The following ZNF385D variants were observed in gnomAD, a reference collection of about 807,000 sequenced individuals.
ZNF385D encodes the protein zinc finger protein 659.
ZNF385D carries 15 observed loss-of-function variants against 35.8 expected under a neutral mutation model. The ratio of observed to expected loss-of-function variants is 0.42; its 90% CI spans 0.28 to 0.64. The LOEUF is 0.64. Among genes scored for constraint, ZNF385D ranks in the 30% least tolerant of loss-of-function variants. The pLI is 0.23. For synonymous variants in ZNF385D, 212 were observed against 186.8 expected (o/e 1.13, Z -1.10); for missense variants, 474 against 494.6 (o/e 0.96, Z 0.39).
At position 22,100,051 on chromosome 3, in the gene ZNF385D, G is replaced by C. The variant is rs992487065; in HGVS notation, c.325+68766C>G. Among the ~76,000 whole-genome samples the C allele has an allele frequency of 2.6e-5, 4 of 151,028 alleles. No homozygotes were observed. The South Asian group carries it at 6.3e-4, about 24-fold the overall frequency. On this transcript the variant is annotated intron_variant, in intron 3 of 5. Transcript: ENST00000494108. The stretch of plus-strand genomic sequence containing the variant: ...ATGAACAGACACTTCTCAAAAGAAG[G>C]CATTTATGCAGCCAAAAAACACATG...
At chr3:21,948,801 G>T (rs1277904234) in intron 3 of ZNF385D, among the ~76,000 whole-genome samples, 1 of 151,952 alleles carries the variant, frequency 6.6e-6, no homozygotes, top group Non-Finnish European at 1.5e-5. Context: ...TAACTATTAT[G>T]TTACAATTGA....
chr3:21,927,992 G>A (rs111672104), intron 3 of ZNF385D, among the ~76,000 whole-genome samples: 1 of 152,064 alleles, frequency 6.6e-6, no homozygotes, highest in Non-Finnish European at 1.5e-5. Context: ...GGGAGGCTGA[G>A]GCAGGAAGTT....
intron 3 of ZNF385D, among the ~76,000 whole-genome samples, chr3:21,990,738 T>C (rs1225190372): frequency 2.0e-5 from 3 of 152,220 alleles, no homozygotes; most frequent in African/African-American, 7.2e-5. Context: ...AGCCTGTTTC[T>C]ACAACATCTA....
chr3:21,646,732 A>C lies in ZNF385D; in HGVS notation c.165+18154T>G, dbSNP rs1258478495. 6.6e-6 allele frequency among the ~76,000 whole-genome samples: 1 copy of C among 152,144 alleles called. No individual in the cohort carries two copies. Among genetic ancestry groups the C allele is most frequent in the African/African-American group, 2.4e-5 (1 of 41,440 alleles). On this transcript the variant is annotated intron_variant, in intron 2 of 7. Transcript: ENST00000281523. This position sits in a 1 kb window ranked among gnomAD's most constrained non-coding sequence, Gnocchi z 4.3. The stretch of plus-strand genomic sequence containing the variant: ...GAGGCCTGTACAGACCCTTCCAGTT[A>C]CTTTCCTTCCTTATATCATCTGGGA...
At chr3:21,503,788 C>T (rs1221676111) in intron 4 of ZNF385D, among the ~76,000 whole-genome samples, 2 of 152,106 alleles carry the variant, frequency 1.3e-5, no homozygotes, top group African/African-American at 4.8e-5. Context: ...ATCTTTATTA[C>T]TCTAAGTCCC....
intron 2 of ZNF385D, among the ~76,000 whole-genome samples, chr3:22,188,507 T>A (rs1576467585): frequency 6.6e-6 from 1 of 152,108 alleles, no homozygotes; most frequent in South Asian, 2.1e-4. Flanking sequence ...TGGAGTCCAG[T>A]GGCGCGATCT....
intron 2 of ZNF385D, among the ~76,000 whole-genome samples, chr3:22,209,523 AG>A (rs1291542826): frequency 4.0e-5 from 6 of 151,896 alleles, no homozygotes; most frequent in African/African-American, 9.7e-5. Flanking sequence ...AATATGGCTT[AG>A]GAAAAAAATA....
chr3:21,695,728 G>C (rs915567367), intron 1 of ZNF385D, among the ~76,000 whole-genome samples: 2 of 150,968 alleles, frequency 1.3e-5, no homozygotes, highest in Non-Finnish European at 2.9e-5. Context: ...ATCCTTGCTA[G>C]TCAAACTGCA....
At chr3:21,707,771 T>A (rs1324443062) in intron 1 of ZNF385D, among the ~76,000 whole-genome samples, 2 of 152,208 alleles carry the variant, frequency 1.3e-5, no homozygotes, top group Non-Finnish European at 2.9e-5. Flanking sequence ...ATATTTCCAA[T>A]TAGTAATATC....
chr3:22,361,989 TC>T (rs1696430244), intron 2 of ZNF385D, among the ~76,000 whole-genome samples: 1 of 151,666 alleles, frequency 6.6e-6, no homozygotes, highest in African/African-American at 2.4e-5. Context: ...GAAATGTAAA[TC>T]CCATCATTTC....
At chr3:21,802,590 G>A (rs1414747709) in intron 3 of ZNF385D, among the ~76,000 whole-genome samples, 1 of 152,090 alleles carries the variant, frequency 6.6e-6, no homozygotes, top group Admixed American at 6.6e-5. Context: ...AACTATATGT[G>A]CATATGTGGC....
intron 3 of ZNF385D, among the ~76,000 whole-genome samples, chr3:21,761,390 C>T (rs1458589467): frequency 6.6e-6 from 1 of 152,090 alleles, no homozygotes; most frequent in Non-Finnish European, 1.5e-5. Flanking sequence ...CATGATGGAA[C>T]TTTATAGTCT....
intron 4 of ZNF385D, among the ~76,000 whole-genome samples, chr3:21,505,842 T>C (rs915443535): frequency 1.3e-5 from 2 of 152,184 alleles, no homozygotes; most frequent in African/African-American, 2.4e-5. Context: ...TTCCTTAGTA[T>C]GCATGCATAC....
At chr3:21,693,299 G>T (rs1257533336) in intron 1 of ZNF385D, among the ~76,000 whole-genome samples, 1 of 152,178 alleles carries the variant, frequency 6.6e-6, no homozygotes, top group African/African-American at 2.4e-5. Context: ...TGAGACTATT[G>T]TCCACAGCAA....
At position 21,679,886 on chromosome 3, in the gene ZNF385D, T is replaced by C. The variant is rs138530934; in HGVS notation, c.23-14858A>G. 1.5e-3 allele frequency among the ~76,000 whole-genome samples: 232 copies of C among 152,214 alleles called. 5 individuals carry two copies. In the East Asian group the frequency reaches 0.039, roughly 25 times the overall value. ...AAATACCCACTCTTAAATGATCTCATGGTAACCCATAGAAGTATATGTCTT... is the reference window on the plus strand; with the variant it reads ...AAATACCCACTCTTAAATGATCTCACGGTAACCCATAGAAGTATATGTCTT... On this transcript the variant is annotated intron_variant, in intron 1 of 7. Coordinates refer to ENST00000281523, the MANE Select transcript of ZNF385D (RefSeq NM_024697.3).
chr3:21,748,573 A>C (rs554249295), intron 1 of ZNF385D, among the ~76,000 whole-genome samples: 1 of 152,158 alleles, frequency 6.6e-6, no homozygotes, highest in African/African-American at 2.4e-5. Flanking sequence ...TGACATCTCT[A>C]CCCCATTCTC....
chr3:21,586,040 T>TAC lies in ZNF385D; in HGVS notation c.166-21358_166-21357dup, dbSNP rs10571982. 8.6e-3 allele frequency among the ~76,000 whole-genome samples: 1,167 copies of TAC among 135,880 alleles called. 12 individuals carry two copies. The highest frequency in any genetic ancestry group is 0.035 in the South Asian group (154 of 4,382). 89.1% of individuals were successfully genotyped at this position (135,880 alleles called of 152,430 possible). On this transcript the variant is annotated intron_variant, in intron 2 of 7. Transcript: ENST00000281523. ...TAAATATATTATAAATACAAATACA[T>TAC]ACACACACACACACACACATTTGGG...
At chr3:21,708,633 T>C (rs943360190) in intron 1 of ZNF385D, among the ~76,000 whole-genome samples, 2 of 152,216 alleles carry the variant, frequency 1.3e-5, no homozygotes, top group African/African-American at 4.8e-5. Flanking sequence ...ATTTTCTATG[T>C]TTTTACAGAT....
chr3:22,274,676 AAAG>A (rs1466816442), intron 2 of ZNF385D, among the ~76,000 whole-genome samples: 1 of 152,006 alleles, frequency 6.6e-6, no homozygotes, highest in African/African-American at 2.4e-5. Flanking sequence ...TTTTTAAAAA[AAAG>A]AAGTAAAATA....
Sources: gnomAD v4.1 joint callset for allele counts (sites outside exome capture counted in the v4.1 genomes callset) on GRCh38, gnomAD v4.1.1 for gene constraint, Gnocchi (gnomAD v3.1) non-coding constraint, MANE v1.5 for transcripts, NCBI Gene and HGNC (gene_info 2026-07-23, HGNC 2026-07-21) for gene names.